Variants in AXIN1 observed in about 807,000 individuals in gnomAD.
AXIN1 encodes axin 1, also known as axin-1.
AXIN1 carries 30 observed loss-of-function variants against 76.4 expected under a neutral mutation model. The observed-to-expected ratio is 0.39, with a 90% CI of 0.29 to 0.53. The LOEUF is 0.53. Ranked by LOEUF, AXIN1 falls within the 20% of genes least tolerant of loss-of-function variation. The pLI is 0.66. For missense variants in AXIN1, 1,140 were observed against 1,198.8 expected (o/e 0.95, Z 0.72); for synonymous variants, 545 against 501.4 (o/e 1.09, Z -1.16).
intron 8 of AXIN1, chr16:292,926 G>A (rs539138112): frequency 0.01 from 1,237 of 123,484 alleles, 24 homozygotes; most frequent in African/African-American, 0.048. Context: ...TGAGAGAAGG[G>A]CACAGTGAGG....
chr16:292,524 A>T (rs891971455), intron 8 of AXIN1: 5 of 152,210 alleles, frequency 3.3e-5, no homozygotes, highest in Non-Finnish European at 1.5e-5. Context: ...ACAGCCCCAA[A>T]GCTGGAGGCC....
chr16:325,243 C>G (rs377222122), intron 2 of AXIN1, among the ~76,000 whole-genome samples: 5 of 152,210 alleles, frequency 3.3e-5, no homozygotes, highest in Admixed American at 1.3e-4. Context: ...ACCTGTCGCT[C>G]GAGGTCAGTC....
At chr16:312,589 G>A (rs200046188) in intron 3 of AXIN1, among the ~76,000 whole-genome samples, 3 of 152,186 alleles carry the variant, frequency 2.0e-5, no homozygotes, top group African/African-American at 4.8e-5. Flanking sequence ...TCAGGACCAC[G>A]GCAGGCACTG....
chr16:308,213 G>A (rs1373484623), intron 4 of AXIN1, among the ~76,000 whole-genome samples: 1 of 152,168 alleles, frequency 6.6e-6, no homozygotes, highest in Non-Finnish European at 1.5e-5. Flanking sequence ...AGGACCTGAG[G>A]GCTCTGTGCT....
chr16:346,714 A>C lies in AXIN1; in HGVS notation c.312T>G (p.Thr104=), dbSNP rs555209881. 7.0e-6 allele frequency: 11 copies of C among 1,576,144 alleles called. No homozygotes were observed. The highest frequency in any genetic ancestry group is 9.5e-6 in the Non-Finnish European group (11 of 1,160,560). ...DDQDGISLFR[T]FLKQEGCADL... is the part of the protein sequence containing the mutation. The stretch of plus-strand genomic sequence containing the variant: ...CGGCACAGCCCTCCTGCTTCAGGAA[A>C]GTCCTGAACAGGCTTATCCCATCTT... Residue 104 remains threonine (T), a synonymous_variant, in exon 2 of 11, where the codon ACT becomes ACG. Coordinates refer to ENST00000262320, the MANE Select transcript of AXIN1 (RefSeq NM_003502.4).
rs372203137 is a variant in AXIN1 at position 305,680 on chromosome 16, A to C, written c.1117-1239T>G. Among the ~76,000 whole-genome samples the C allele has an allele frequency of 7.2e-5, 11 of 152,102 alleles. No individual in the cohort carries two copies. In the East Asian group the frequency reaches 1.4e-3, roughly 19 times the overall value. On this transcript the variant is annotated intron_variant, in intron 4 of 10. Transcript: ENST00000262320. Reference sequence around the variant, plus strand: ...TGCCTCAGCCTCCCGAGTAGCTGGGACTACAGGCGCCTGCCACCATGCCCG... The same window carrying C: ...TGCCTCAGCCTCCCGAGTAGCTGGGCCTACAGGCGCCTGCCACCATGCCCG...
chr16:344,052 C>A (rs1056027004), intron 2 of AXIN1, among the ~76,000 whole-genome samples: 2 of 151,480 alleles, frequency 1.3e-5, no homozygotes, highest in African/African-American at 4.8e-5. Flanking sequence ...CAGTTTATAC[C>A]AGGCTTACTC....
At chr16:307,433 T>C (rs1287906363) in intron 4 of AXIN1, among the ~76,000 whole-genome samples, 3 of 152,088 alleles carry the variant, frequency 2.0e-5, no homozygotes, top group Non-Finnish European at 4.4e-5. Flanking sequence ...TCCAAGTAAT[T>C]GTAAAGGCTA....
At chr16:332,569 CCTT>C (rs2053715681) in intron 2 of AXIN1, among the ~76,000 whole-genome samples, 1 of 149,638 alleles carries the variant, frequency 6.7e-6, no homozygotes, top group Admixed American at 6.7e-5. Context: ...GAGCGAGACT[CCTT>C]CTCAAAAAAA....
At chr16:329,709 C>T (rs544421623) in intron 2 of AXIN1, among the ~76,000 whole-genome samples, 14 of 152,152 alleles carry the variant, frequency 9.2e-5, no homozygotes, top group South Asian at 2.1e-4. Context: ...CTGCAAGCTC[C>T]GCCTCCCAGG....
chr16:324,653 T>C (rs554086755), intron 2 of AXIN1, among the ~76,000 whole-genome samples: 4 of 152,276 alleles, frequency 2.6e-5, no homozygotes, highest in African/African-American at 9.6e-5. Flanking sequence ...ACTTACTTGA[T>C]CCCTGTTTTG....
intron 4 of AXIN1, among the ~76,000 whole-genome samples, chr16:307,530 CCA>C (rs1028199106): frequency 2.0e-5 from 3 of 152,182 alleles, no homozygotes; most frequent in Non-Finnish European, 4.4e-5. Flanking sequence ...GCACCAGGGA[CCA>C]GTTTTGTAGA....
intron 10 of AXIN1, 183 bp from the exon 11 acceptor site, chr16:288,431 T>C: frequency 2.3e-6 from 2 of 875,972 alleles, no homozygotes; most frequent in Non-Finnish European, 3.6e-6. Flanking sequence ...CACATGTGGG[T>C]GAAGTGGGCA....
At chr16:297,315 G>C in intron 6 of AXIN1, 89 bp from the exon 7 acceptor site, 1 of 1,558,084 alleles carries the variant, frequency 6.4e-7, no homozygotes, top group Admixed American at 1.7e-5. Context: ...CCTGGCATCT[G>C]TAAGGCTCCC....
intron 2 of AXIN1, among the ~76,000 whole-genome samples, chr16:340,427 G>A (rs1271530178): frequency 6.6e-6 from 1 of 152,222 alleles, no homozygotes; most frequent in Non-Finnish European, 1.5e-5. Flanking sequence ...GCGGCGAGGA[G>A]ACTGCGGGCT....
At chr16:326,581 T>C (rs1408891098) in intron 2 of AXIN1, among the ~76,000 whole-genome samples, 1 of 149,780 alleles carries the variant, frequency 6.7e-6, no homozygotes, top group East Asian at 2.0e-4. Flanking sequence ...ACCCCATCTC[T>C]ACTAAAAATA....
chr16:289,073 C>CT (rs1567255894), intron 10 of AXIN1, among the ~76,000 whole-genome samples: 4 of 145,104 alleles, frequency 2.8e-5, no homozygotes, highest in Admixed American at 6.7e-5. Flanking sequence ...GCCGGAAGCC[C>CT]TTTTTCTTCT....
intron 5 of AXIN1, among the ~76,000 whole-genome samples, chr16:298,820 G>C (rs2052790728): frequency 6.6e-6 from 1 of 152,128 alleles, no homozygotes; most frequent in Non-Finnish European, 1.5e-5. Flanking sequence ...CCAGGCTGGA[G>C]TGCAATGGTG....
In AXIN1 at chr16:293,722, GGGGAACAA is replaced by G; in HGVS notation, c.1956-12_1956-5del. 6.2e-7 allele frequency: 1 copy of G among 1,613,054 alleles called. No homozygotes were observed. Among genetic ancestry groups the G allele is most frequent in the Non-Finnish European group, 8.5e-7 (1 of 1,179,840 alleles). On this transcript the variant is annotated splice_region_variant and splice_polypyrimidine_tract_variant and intron_variant, in intron 7 of 10. Transcript: ENST00000262320. The surrounding 1 kb of genome is among the most constrained non-coding windows in gnomAD (Gnocchi z 4.6). ...TGGCTTCCTCGTCCCCGAAGACCTTGGGGAACAAGAGAACAAGTTGTGACTGTGGCCGA... is the reference window on the plus strand; with the variant it reads ...TGGCTTCCTCGTCCCCGAAGACCTTGGAGAACAAGTTGTGACTGTGGCCGA...
Sources: allele counts gnomAD v4.1 joint callset (sites outside exome capture counted in the v4.1 genomes callset), GRCh38; gene constraint gnomAD v4.1.1; non-coding constraint Gnocchi (gnomAD v3.1); transcripts MANE v1.5; gene names NCBI Gene and HGNC (gene_info 2026-07-23, HGNC 2026-07-21).